The following RFFL variants were observed in gnomAD, a reference collection of about 807,000 sequenced individuals.
The protein encoded by RFFL is ring finger and FYVE like domain containing E3 ubiquitin protein ligase.
A neutral mutation model predicts 40.4 loss-of-function variants in RFFL; 16 were observed. The ratio of observed to expected loss-of-function variants is 0.40; its 90% confidence interval spans 0.27 to 0.60. The LOEUF (loss-of-function observed/expected upper bound fraction) is 0.60, where lower values mean the gene tolerates loss of function less well. Ranked by LOEUF, RFFL falls within the 20% of genes least tolerant of loss-of-function variation. The pLI, the probability that RFFL is intolerant of heterozygous loss-of-function variation, is 0.47. For missense variants in RFFL, 367 were observed against 451.7 expected, an observed-to-expected ratio of 0.81 and a Z score of 1.70; for synonymous variants, 154 against 167.9, an observed-to-expected ratio of 0.92 and a Z score of 0.64.
chr17:35,041,832 C>T (rs753108449), intron 1 of RFFL, among the ~76,000 whole-genome samples: 8 of 152,136 alleles, frequency 5.3e-5, no homozygotes, highest in Non-Finnish European at 1.0e-4. Context: ...GCCTAGACAA[C>T]ATGGTGAAAC....
intron 1 of RFFL, among the ~76,000 whole-genome samples, chr17:35,043,413 C>T (rs1220777522): frequency 6.6e-6 from 1 of 152,136 alleles, no homozygotes; most frequent in African/African-American, 2.4e-5. Context: ...GTTAGACATT[C>T]AGTAAATAGC....
chr17:35,017,653 T>C, intron 3 of RFFL, 47 bp from the exon 4 acceptor site: 1 of 1,282,856 alleles, frequency 7.8e-7, no homozygotes, highest in Non-Finnish European at 1.1e-6. Context: ...GTCCCAGAGA[T>C]CTGCATAGCA....
rs2091399427 is a variant in RFFL at position 35,080,681 on chromosome 17, A to G, written c.-9+8424T>C. Among the ~76,000 whole-genome samples the G allele has an allele frequency of 3.9e-5, 6 of 152,196 alleles. No homozygotes were observed. The South Asian group carries it at 1.2e-3, about 32-fold the overall frequency. ...GCCAGCAGAGCCTCCACTTGGCCTA[A>G]CTTCCTGTAAGTTTCAAGATGAGTA... On this transcript the variant is annotated intron_variant, in intron 1 of 6. Transcript: ENST00000315249.
chr17:35,072,916 A>T (rs1444165743), intron 1 of RFFL, among the ~76,000 whole-genome samples: 1 of 151,960 alleles, frequency 6.6e-6, no homozygotes, highest in Non-Finnish European at 1.5e-5. Flanking sequence ...GGTAGCGTGC[A>T]TCTGTAATCT....
chr17:35,020,155 A>G (rs2090999723), intron 3 of RFFL, among the ~76,000 whole-genome samples: 2 of 152,212 alleles, frequency 1.3e-5, no homozygotes, highest in Non-Finnish European at 2.9e-5. Flanking sequence ...TGTAGGCTCA[A>G]CATTTGCCCA....
At chr17:35,065,184 TACAG>T (rs749702310), upstream of RFFL, among the ~76,000 whole-genome samples, 53 of 151,512 alleles carry the variant, frequency 3.5e-4, no homozygotes, top group Non-Finnish European at 5.4e-4. Context: ...ACTCTCAAGG[TACAG>T]ACAAATATGG....
chr17:35,027,173 A>G (rs2091046893), intron 1 of RFFL, among the ~76,000 whole-genome samples: 1 of 152,092 alleles, frequency 6.6e-6, no homozygotes, highest in South Asian at 2.1e-4. Context: ...CCATTCATTG[A>G]TTTCCCCTCC....
At chr17:35,063,818 A>G (rs1193667661), upstream of RFFL, 2 of 152,290 alleles carry the variant, frequency 1.3e-5, no homozygotes, top group African/African-American at 4.8e-5. Context: ...TTCCCAAACA[A>G]CTCAGCCTGA....
chr17:35,078,720 C>G (rs997661493), intron 1 of RFFL, among the ~76,000 whole-genome samples: 43 of 152,158 alleles, frequency 2.8e-4, no homozygotes, highest in Admixed American at 2.2e-3. Context: ...GCAATCCCAG[C>G]ACTTATCCCA....
intron 3 of RFFL, among the ~76,000 whole-genome samples, 155 bp downstream of exon 3, chr17:35,021,215 AC>A: frequency 6.6e-6 from 1 of 152,336 alleles, no homozygotes; most frequent in Non-Finnish European, 1.5e-5. Flanking sequence ...TGAGTCTGAT[AC>A]CCAGAAAACA....
intron 1 of RFFL, chr17:35,076,859 G>A: frequency 4.1e-6 from 1 of 241,224 alleles, no homozygotes. Flanking sequence ...AAGTATAACT[G>A]GAGTGCCAAG....
At chr17:35,084,780 C>T (rs1242376775) in intron 1 of RFFL, among the ~76,000 whole-genome samples, 2 of 151,278 alleles carry the variant, frequency 1.3e-5, no homozygotes, top group East Asian at 3.9e-4. Context: ...CCTGTAATCC[C>T]AGCCGCTCGG....
At chr17:35,023,091 T>A (rs2091019699) in intron 2 of RFFL, among the ~76,000 whole-genome samples, 1 of 152,262 alleles carries the variant, frequency 6.6e-6, no homozygotes, top group Non-Finnish European at 1.5e-5. Flanking sequence ...CTGAGCACAC[T>A]GGGATTGGCC....
At chr17:35,037,728 G>C (rs1041498655) in intron 1 of RFFL, among the ~76,000 whole-genome samples, 2 of 152,308 alleles carry the variant, frequency 1.3e-5, no homozygotes, top group South Asian at 2.1e-4. Flanking sequence ...TGGTCACTTA[G>C]ACCCTGAAGC....
At chr17:35,070,171 G>GGTTTT (rs1264316608) in intron 1 of RFFL, among the ~76,000 whole-genome samples, 1 of 151,922 alleles carries the variant, frequency 6.6e-6, no homozygotes, top group Non-Finnish European at 1.5e-5. Context: ...ATTTTAGCTG[G>GGTTTT]GTTTTGTTTT....
intron 1 of RFFL, among the ~76,000 whole-genome samples, chr17:35,041,427 CA>C (rs1176177598): frequency 6.6e-6 from 1 of 151,376 alleles, no homozygotes; most frequent in African/African-American, 2.4e-5. Flanking sequence ...AAAAACTCTT[CA>C]AAAAAAAGTT....
At chr17:35,081,755 T>C (rs2091404020) in intron 1 of RFFL, among the ~76,000 whole-genome samples, 1 of 152,180 alleles carries the variant, frequency 6.6e-6, no homozygotes. Flanking sequence ...CATCTAGTAT[T>C]TTAATTTTCC....
intron 1 of RFFL, among the ~76,000 whole-genome samples, chr17:35,043,254 G>A (rs751162677): frequency 6.6e-6 from 1 of 152,134 alleles, no homozygotes; most frequent in Non-Finnish European, 1.5e-5. Flanking sequence ...ATAAATGAAT[G>A]AGCTTGAGTA....
chr17:35,050,515 C>A (rs1186783550), intron 1 of RFFL, among the ~76,000 whole-genome samples: 1 of 152,108 alleles, frequency 6.6e-6, no homozygotes, highest in Non-Finnish European at 1.5e-5. Context: ...GCACATGCCA[C>A]CATACTCAGC....
Sources: allele counts gnomAD v4.1 joint callset (sites outside exome capture counted in the v4.1 genomes callset), GRCh38; gene constraint gnomAD v4.1.1; transcripts MANE v1.5; gene names NCBI Gene and HGNC (gene_info 2026-07-23, HGNC 2026-07-21).